The following WDSUB1 variants were observed in gnomAD, a reference collection of about 807,000 sequenced individuals.
WDSUB1 encodes the protein WD repeat, sterile alpha motif and U-box domain containing 1, also known as WD repeat, SAM and U-box domain-containing protein 1.
Under a neutral mutation model 53.9 loss-of-function variants are expected in WDSUB1, and 49 were observed. The observed-to-expected ratio is 0.91, with a 90% CI of 0.72 to 1.15. WDSUB1 has a LOEUF of 1.15. Ranked by LOEUF, WDSUB1 falls within the 50% of genes most tolerant of loss-of-function variation. The pLI is 0.00. For missense variants in WDSUB1, 514 were observed against 562.0 expected (o/e 0.91, Z 0.86); for synonymous variants, 194 against 200.6 (o/e 0.97, Z 0.28).
At chr2:159,257,334 T>C (rs906556413) in intron 8 of WDSUB1, among the ~76,000 whole-genome samples, 4 of 152,036 alleles carry the variant, frequency 2.6e-5, no homozygotes, top group South Asian at 2.1e-4. Flanking sequence ...AATTTGGATG[T>C]ATACTTTATA....
At chr2:159,259,285 G>C (rs1199352501) in intron 6 of WDSUB1, among the ~76,000 whole-genome samples, 1 of 152,126 alleles carries the variant, frequency 6.6e-6, no homozygotes, top group Non-Finnish European at 1.5e-5. Flanking sequence ...TCAGCCTTCT[G>C]ACATGCTGGG....
chr2:159,261,885 TA>T (rs2061223132), intron 5 of WDSUB1, among the ~76,000 whole-genome samples: 2 of 16,160 alleles, frequency 1.2e-4, no homozygotes, highest in Non-Finnish European at 2.0e-4. Flanking sequence ...TATATATATA[TA>T]TATATATATA....
At chr2:159,281,373 G>T (rs1384071074) in intron 2 of WDSUB1, among the ~76,000 whole-genome samples, 1 of 152,058 alleles carries the variant, frequency 6.6e-6, no homozygotes, top group Non-Finnish European at 1.5e-5. Context: ...GGAGTAGCGA[G>T]GACTACAGGC....
intron 10 of WDSUB1, among the ~76,000 whole-genome samples, chr2:159,247,910 A>AATATATATATAT (rs1300223913): frequency 2.8e-4 from 5 of 17,680 alleles, no homozygotes; most frequent in Non-Finnish European, 6.6e-4. Flanking sequence ...TATATATATA[A>AATATATATATAT]ATATATATAT....
chr2:159,283,122 T>C, intron 1 of WDSUB1, 29 bp from the exon 2 acceptor site: 1 of 1,540,264 alleles, frequency 6.5e-7, no homozygotes, highest in Non-Finnish European at 8.8e-7. Flanking sequence ...TAAAGATTAT[T>C]TATTCTAGGA....
chr2:159,241,018 C>T (rs35504067), intron 10 of WDSUB1, among the ~76,000 whole-genome samples: 63,931 of 151,900 alleles, frequency 0.42, 14,738 homozygotes, highest in Non-Finnish European at 0.54. Flanking sequence ...GAAAAGTCTA[C>T]GATGACAAAT....
In WDSUB1 at chr2:159,283,004, A is replaced by G. The variant is rs994363863; in HGVS notation, c.66T>C (p.Phe22=). ...CCAAGGAGCAAGTAGCCAAGAGGGA[A>G]AAGGAGAAGGCACAGCAGTTGACAT... The part of the protein sequence containing the change: ...GDDVNCCAFS[F]SLLATCSLDK... Residue 22 remains phenylalanine, a synonymous_variant, in exon 2 of 11, where the codon TTT becomes TTC. Transcript: ENST00000359774. 1 of 1,614,090 alleles carries G rather than the reference A, an allele frequency of 6.2e-7. No individual in the cohort carries two copies. The highest frequency in any genetic ancestry group is 8.5e-7 in the Non-Finnish European group (1 of 1,180,038).
intron 4 of WDSUB1, among the ~76,000 whole-genome samples, chr2:159,274,359 C>G (rs1346875179): frequency 1.3e-5 from 2 of 152,032 alleles, no homozygotes; most frequent in Non-Finnish European, 2.9e-5. Flanking sequence ...TAAAAATTAG[C>G]CAGGGCAAGA....
intron 9 of WDSUB1, among the ~76,000 whole-genome samples, chr2:159,251,767 A>G (rs995101503): frequency 1.5e-4 from 23 of 152,234 alleles, no homozygotes; most frequent in African/African-American, 5.3e-4. Flanking sequence ...TCTAGACACT[A>G]ATAACCATCA....
At chr2:159,282,325 T>C (rs972754183) in intron 2 of WDSUB1, among the ~76,000 whole-genome samples, 4 of 152,100 alleles carry the variant, frequency 2.6e-5, no homozygotes, top group African/African-American at 4.8e-5. Context: ...CCCAAGTAGC[T>C]GGGACTACAG....
intron 1 of WDSUB1, chr2:159,286,274 G>A (rs174262): frequency 0.061 from 9,287 of 153,054 alleles, 327 homozygotes; most frequent in African/African-American, 0.1. Flanking sequence ...GAAAGACCAG[G>A]AATGTGCCCC....
intron 10 of WDSUB1, among the ~76,000 whole-genome samples, chr2:159,241,022 G>A (rs2060629714): frequency 6.6e-6 from 1 of 152,150 alleles, no homozygotes; most frequent in African/African-American, 2.4e-5. Flanking sequence ...AGTCTACGAT[G>A]ACAAATAGGA....
intron 5 of WDSUB1, among the ~76,000 whole-genome samples, chr2:159,266,877 G>A (rs983092036): frequency 3.3e-5 from 5 of 152,120 alleles, no homozygotes; most frequent in East Asian, 1.9e-4. Context: ...AGGCTCAAGC[G>A]ATCCTCCCAC....
chr2:159,275,956 A>G (rs756837692), intron 3 of WDSUB1, among the ~76,000 whole-genome samples: 2 of 152,240 alleles, frequency 1.3e-5, no homozygotes, highest in Non-Finnish European at 1.5e-5. Context: ...TTGAGAGTCT[A>G]TGAGGCTAGC....
chr2:159,280,708 A>AAAAAAAAAAAAAAAAAAAAAAC lies in WDSUB1; in HGVS notation c.399-764_399-763insGTTTTTTTTTTTTTTTTTTTTT, dbSNP rs111752652. Reference sequence around the variant, plus strand: ...TCCGTCTCAAAAAAAAAAAAAAAAAAATTACCCAGAAGCAATGGCGAGGTC... The same window carrying AAAAAAAAAAAAAAAAAAAAAAC: ...TCCGTCTCAAAAAAAAAAAAAAAAAAAAAAAAAAAAAAAAAAAAAAACATTACCCAGAAGCAATGGCGAGGTC... On this transcript the variant is annotated intron_variant, in intron 2 of 10. Transcript: ENST00000359774. Among the ~76,000 whole-genome samples, 40 of 134,310 alleles carry AAAAAAAAAAAAAAAAAAAAAAC rather than the reference A, an allele frequency of 3.0e-4. 2 individuals carry two copies. The highest frequency in any genetic ancestry group is 6.7e-4 in the African/African-American group (20 of 29,668). 88.1% of individuals were successfully genotyped at this position (134,310 alleles called of 152,430 possible).
chr2:159,246,996 C>G (rs1279331757), intron 10 of WDSUB1, among the ~76,000 whole-genome samples: 1 of 152,148 alleles, frequency 6.6e-6, no homozygotes, highest in Non-Finnish European at 1.5e-5. Context: ...CACTGAACAT[C>G]AGAGTGAATA....
intron 3 of WDSUB1, 141 bp from the exon 4 acceptor site, chr2:159,275,779 C>A (rs546231893): frequency 8.5e-4 from 538 of 629,610 alleles, no homozygotes; most frequent in Non-Finnish European, 1.1e-3. Context: ...TATCATTTAA[C>A]AAAATGCTGA....
At chr2:159,241,389 C>T (rs1327019338) in intron 10 of WDSUB1, among the ~76,000 whole-genome samples, 3 of 152,186 alleles carry the variant, frequency 2.0e-5, no homozygotes, top group Non-Finnish European at 4.4e-5. Context: ...TGGCAAAACC[C>T]TGTCTCTACT....
At chr2:159,252,088 A>T (rs995670425) in intron 9 of WDSUB1, among the ~76,000 whole-genome samples, 1 of 152,184 alleles carries the variant, frequency 6.6e-6, no homozygotes, top group African/African-American at 2.4e-5. Flanking sequence ...AGAGAACAAC[A>T]GAACCAAATG....
Sources: gnomAD v4.1 joint callset for allele counts (sites outside exome capture counted in the v4.1 genomes callset) on GRCh38, gnomAD v4.1.1 for gene constraint, MANE v1.5 for transcripts, NCBI Gene and HGNC (gene_info 2026-07-23, HGNC 2026-07-21) for gene names.